Variants in NOX5 observed in about 807,000 individuals in gnomAD.
NOX5 encodes the protein NADPH oxidase 5.
In NOX5, 76 loss-of-function variants were observed where a neutral mutation model predicts 85.7. The observed-to-expected ratio is 0.89, with a 90% CI of 0.74 to 1.07. The LOEUF (loss-of-function observed/expected upper bound fraction) is 1.07. NOX5 is among the 50% of genes least tolerant of loss of function. The probability of loss-of-function intolerance (pLI) is 0.00; values close to 1 mark genes in which losing one functional copy is unlikely to be tolerated. For synonymous variants in NOX5, 405 were observed against 401.4 expected, an observed-to-expected ratio of 1.01 and a Z score of -0.11; for missense variants, 973 against 999.5, an observed-to-expected ratio of 0.97 and a Z score of 0.36.
Position 69,026,514 on chromosome 15 carries a change from C to G in NOX5, c.51-14C>G. On this transcript the variant is annotated splice_polypyrimidine_tract_variant and intron_variant, in intron 1 of 15. Coordinates refer to ENST00000388866, the MANE Select transcript of NOX5 (RefSeq NM_024505.4). ...CCACCCCAAGCCCATAAACCTGTTT[C>G]CTTTGCCTCCCAGCACCATGAGTGC... 6.2e-7 allele frequency: 1 copy of G among 1,614,074 alleles called. No homozygotes were observed. The highest frequency in any genetic ancestry group is 1.1e-5 in the South Asian group (1 of 91,066).
intron 10 of NOX5, among the ~76,000 whole-genome samples, chr15:69,044,552 C>T (rs2050638674): frequency 6.6e-6 from 1 of 152,060 alleles, no homozygotes; most frequent in African/African-American, 2.4e-5. Flanking sequence ...TGCTGATCAC[C>T]TTTACAATAG....
intron 8 of NOX5, 99 bp downstream of exon 8, chr15:69,037,309 T>C: frequency 8.4e-7 from 1 of 1,195,232 alleles, no homozygotes; most frequent in Non-Finnish European, 1.2e-6. Context: ...CCCAAGGAAA[T>C]AGAGAATAGT....
intron 1 of NOX5, among the ~76,000 whole-genome samples, 153 bp downstream of exon 1, chr15:69,014,938 G>T (rs2050213504): frequency 6.6e-6 from 1 of 152,182 alleles, no homozygotes; most frequent in Non-Finnish European, 1.5e-5. Context: ...AGCAAGCTGG[G>T]CAATCTTGGA....
intron 10 of NOX5, 65 bp downstream of exon 10, chr15:69,042,870 C>T: frequency 1.3e-6 from 2 of 1,541,058 alleles, no homozygotes; most frequent in Non-Finnish European, 1.8e-6. Flanking sequence ...AAGTTGCCTC[C>T]TTCTTCTCAG....
chr15:69,042,293 G>A (rs1198349693), intron 9 of NOX5, among the ~76,000 whole-genome samples: 5 of 152,152 alleles, frequency 3.3e-5, no homozygotes, highest in Admixed American at 1.3e-4. Context: ...TGGACTGAGC[G>A]CCTACTGTGT....
chr15:69,033,843 G>A (rs530803460), intron 5 of NOX5, among the ~76,000 whole-genome samples: 17 of 151,758 alleles, frequency 1.1e-4, no homozygotes, highest in Admixed American at 4.6e-4. Flanking sequence ...ACAGGCAACC[G>A]CCACCATGCC....
At chr15:69,035,318 A>G (rs2050497656) in intron 5 of NOX5, 36 bp from the exon 6 acceptor site, 2 of 1,606,340 alleles carry the variant, frequency 1.2e-6, no homozygotes, top group Non-Finnish European at 1.7e-6. Context: ...GCAGACAGAG[A>G]GTGAGGCAGG....
At chr15:69,025,603 G>C (rs977910553) in intron 1 of NOX5, among the ~76,000 whole-genome samples, 2 of 152,176 alleles carry the variant, frequency 1.3e-5, no homozygotes, top group African/African-American at 4.8e-5. Flanking sequence ...ATTTTAGGAA[G>C]TAGGCAGGTT....
At chr15:69,042,526 C>A in intron 9 of NOX5, 137 bp from the exon 10 acceptor site, 2 of 849,374 alleles carry the variant, frequency 2.4e-6, no homozygotes, top group Non-Finnish European at 3.6e-6. Context: ...GGCTGCTAGT[C>A]TGGTCCTGAG....
At chr15:69,039,254 T>C (rs1309976759) in intron 9 of NOX5, among the ~76,000 whole-genome samples, 2 of 151,848 alleles carry the variant, frequency 1.3e-5, no homozygotes, top group Non-Finnish European at 2.9e-5. Flanking sequence ...AGCTGGACTT[T>C]GAATGGTTAG....
In NOX5 at chr15:69,024,900, CTTTATA is replaced by C. The variant is rs1399473446; in HGVS notation, c.51-1623_51-1618del. Among the ~76,000 whole-genome samples the C allele has an allele frequency of 5.3e-5, 8 of 152,078 alleles. No individual in the cohort carries two copies. In the East Asian group the frequency reaches 1.4e-3, roughly 26 times the overall value. ...GGTTTTCTAATACCTTAATTTCTGA[CTTTATA>C]TTTAGTAGTATGTACTTACATGTGT... On this transcript the variant is annotated intron_variant, in intron 1 of 15. Coordinates refer to ENST00000388866, the MANE Select transcript of NOX5 (RefSeq NM_024505.4).
chr15:69,045,384 A>C (rs1350901829), intron 10 of NOX5, among the ~76,000 whole-genome samples: 2 of 152,210 alleles, frequency 1.3e-5, no homozygotes, highest in Admixed American at 6.5e-5. Context: ...AAAAACAATG[A>C]GAATCAATGT....
chr15:69,031,388 G>C lies in NOX5; in HGVS notation c.326-130G>C, dbSNP rs2050426828. ...TCCATTGCTGTTGAGCTAGGCAGTC[G>C]GGAACATGGAAGGTTTCTGAGCTGA... On this transcript the variant is annotated intron_variant, in intron 3 of 15. Coordinates refer to ENST00000388866, the MANE Select transcript of NOX5 (RefSeq NM_024505.4). The C allele has an allele frequency of 2.8e-6, 3 of 1,055,482 alleles. No homozygotes were observed. The East Asian group carries it at 7.5e-5, about 26-fold the overall frequency. The allele number at this position is 1,055,482 out of a possible 1,614,324, so 65.4% of individuals were successfully genotyped here. A position where few individuals can be genotyped will look rare whatever the true frequency, so the allele number is the denominator to read the frequency against.
At chr15:69,043,826 T>C (rs1256492117) in intron 10 of NOX5, among the ~76,000 whole-genome samples, 1 of 152,198 alleles carries the variant, frequency 6.6e-6, no homozygotes, top group Non-Finnish European at 1.5e-5. Flanking sequence ...CCTGGCCATA[T>C]GTGTCAGCAT....
rs74020581 is a variant in NOX5, at chr15:69,025,777, C to G, written c.51-751C>G. 8.4e-3 allele frequency among the ~76,000 whole-genome samples: 1,280 copies of G among 152,222 alleles called. 18 individuals are homozygous for G. Among genetic ancestry groups the G allele is most frequent in the African/African-American group, 0.029 (1,217 of 41,530 alleles). ...TGCCTCAATTTTGGTTTCCTGGGTC[C>G]TAATGCTAGGGAAGTGTCCTAATTT... On this transcript the variant is annotated intron_variant, in intron 1 of 15. Coordinates refer to ENST00000388866, the MANE Select transcript of NOX5 (RefSeq NM_024505.4).
chr15:69,034,370 G>A (rs1284442944), intron 5 of NOX5, among the ~76,000 whole-genome samples: 2 of 152,142 alleles, frequency 1.3e-5, no homozygotes, highest in East Asian at 3.9e-4. Context: ...CCCTAAAGTG[G>A]GTTTTGTCTT....
Position 69,037,014 on chromosome 15 carries a change from C to T in NOX5, c.1189-14C>T. The stretch of plus-strand genomic sequence containing the variant: ...TTGAGCTCTGGAAGTTGACTGCCCC[C>T]CCTACCCCCATAGGTGTTCTATTGG... On this transcript the variant is annotated splice_polypyrimidine_tract_variant and intron_variant, in intron 7 of 15. Coordinates refer to ENST00000388866, the MANE Select transcript of NOX5 (RefSeq NM_024505.4). The T allele has an allele frequency of 6.2e-7, 1 of 1,611,988 alleles. No individual in the cohort carries two copies. Among genetic ancestry groups the T allele is most frequent in the Non-Finnish European group, 8.5e-7 (1 of 1,179,130 alleles).
rs777671027 is a variant in NOX5, at chr15:69,037,010, C to A, written c.1189-18C>A. The A allele has an allele frequency of 1.1e-5, 18 of 1,598,142 alleles. No homozygotes were observed. The highest frequency in any genetic ancestry group is 1.5e-5 in the Non-Finnish European group (17 of 1,169,240). On this transcript the variant is annotated intron_variant, in intron 7 of 15. Coordinates refer to ENST00000388866, the MANE Select transcript of NOX5 (RefSeq NM_024505.4). ...GGCCTTGAGCTCTGGAAGTTGACTG[C>A]CCCCCCTACCCCCATAGGTGTTCTA...
chr15:69,042,541 G>A, intron 9 of NOX5, 122 bp from the exon 10 acceptor site: 1 of 1,036,574 alleles, frequency 9.6e-7, no homozygotes, highest in Non-Finnish European at 1.4e-6. Context: ...CCTGAGGAAG[G>A]ACATTCAAAC....
Sources: gnomAD v4.1 joint callset for allele counts (sites outside exome capture counted in the v4.1 genomes callset) on GRCh38, gnomAD v4.1.1 for gene constraint, MANE v1.5 for transcripts, NCBI Gene and HGNC (gene_info 2026-07-23, HGNC 2026-07-21) for gene names.